The following GATA4 variants were observed in gnomAD, a reference collection of about 807,000 sequenced individuals.
GATA4 encodes transcription factor GATA-4.
A neutral mutation model predicts 37.9 loss-of-function variants in GATA4; 7 were observed. The ratio of observed to expected loss-of-function variants is 0.18; its 90% CI spans 0.11 to 0.35. The LOEUF (loss-of-function observed/expected upper bound fraction) is 0.35, where lower values mean the gene tolerates loss of function less well. Among genes scored for constraint, GATA4 ranks in the 10% least tolerant of loss-of-function variants. The pLI, the probability that GATA4 is intolerant of heterozygous loss-of-function variation, is 1.00. For missense variants in GATA4, 647 were observed against 653.0 expected (o/e 0.99, Z 0.10); for synonymous variants, 372 against 292.6 (o/e 1.27, Z -2.77).
upstream of GATA4, among the ~76,000 whole-genome samples, chr8:11,701,021 G>T (rs994664969): frequency 4.6e-5 from 7 of 152,252 alleles, no homozygotes; most frequent in South Asian, 2.1e-4. Flanking sequence ...TTTTATTTTT[G>T]GGGGGAACCA....
chr8:11,699,375 G>T (rs992139759), upstream of GATA4, among the ~76,000 whole-genome samples: 6 of 152,186 alleles, frequency 3.9e-5, no homozygotes, highest in African/African-American at 7.2e-5. Flanking sequence ...AAGAATTGGG[G>T]CCTGTGTCAC....
At chr8:11,681,764 C>T (rs1322576569) in intron 1 of GATA4, among the ~76,000 whole-genome samples, 1 of 152,006 alleles carries the variant, frequency 6.6e-6, no homozygotes, top group East Asian at 1.9e-4. Flanking sequence ...TGTTCTTTGC[C>T]CACAGCATTC....
chr8:11,745,034 A>C (rs545763863), intron 2 of GATA4, among the ~76,000 whole-genome samples: 4 of 152,260 alleles, frequency 2.6e-5, no homozygotes, highest in Non-Finnish European at 4.4e-5. Flanking sequence ...TGTGACATCT[A>C]TCAGAGTGAT....
At chr8:11,754,166 A>G (rs1365727939) in intron 4 of GATA4, among the ~76,000 whole-genome samples, 1 of 152,208 alleles carries the variant, frequency 6.6e-6, no homozygotes, top group African/African-American at 2.4e-5. Flanking sequence ...ACTCACTGGG[A>G]CTGTTGCTGT....
chr8:11,696,026 G>A (rs1393052008), intron 1 of GATA4, among the ~76,000 whole-genome samples: 1 of 152,164 alleles, frequency 6.6e-6, no homozygotes, highest in South Asian at 2.1e-4. Flanking sequence ...ATGTGGACTC[G>A]CACTAAAGAC....
intron 1 of GATA4, among the ~76,000 whole-genome samples, chr8:11,683,551 A>G (rs1355246750): frequency 6.6e-6 from 1 of 152,120 alleles, no homozygotes; most frequent in Non-Finnish European, 1.5e-5. Flanking sequence ...GACTAAATCC[A>G]TCCCCCCATT....
In GATA4 at chr8:11,759,422, G is replaced by C. The variant is rs1455662246; in HGVS notation, c.*947G>C. On this transcript the variant is annotated 3_prime_UTR_variant, in exon 7 of 7. Coordinates refer to ENST00000532059, the MANE Select transcript of GATA4 (RefSeq NM_001308093.3). ...GGACAGAGTCCTGGTCAGGGGGCAG[G>C]AGTGTCCCAAGGGCTGGCCCACCTG... 1.3e-5 allele frequency: 2 copies of C among 152,452 alleles called. No homozygotes were observed. Among genetic ancestry groups the C allele is most frequent in the Non-Finnish European group, 2.9e-5 (2 of 68,244 alleles). The allele number at this position is 152,452 out of a possible 1,614,324, so 9.4% of individuals were successfully genotyped here.
chr8:11,698,412 G>T (rs1397871433), intron 1 of GATA4, among the ~76,000 whole-genome samples: 1 of 152,170 alleles, frequency 6.6e-6, no homozygotes, highest in Non-Finnish European at 1.5e-5. Context: ...GAATGAGTGG[G>T]TGAGTGAGTG....
At chr8:11,692,119 C>T (rs949904197), upstream of GATA4, 1 of 847,942 alleles carries the variant, frequency 1.2e-6, no homozygotes, top group Non-Finnish European at 1.4e-6. Flanking sequence ...GGAGCTCGGG[C>T]CACCTGTTCT....
chr8:11,758,414 A>G lies in GATA4; in HGVS notation c.1271A>G (p.Lys424Arg). 1 of 1,614,226 alleles carries G rather than the reference A, an allele frequency of 6.2e-7. No individual in the cohort carries two copies. The highest frequency in any genetic ancestry group is 8.5e-7 in the Non-Finnish European group (1 of 1,180,040). Residue 424 changes from lysine (K) to arginine (R), a missense_variant, in exon 7 of 7, where the codon AAG becomes AGG. Around this residue, in one of 5 missense-constraint regions of GATA4, gnomAD observed 184 missense variants for 157.1 expected, o/e 1.17. Transcript: ENST00000532059. ...PVSQSPQTSS[K>R]QDSWNSLVLA... ...AGCCAGTCTCCACAGACCAGCTCCA[A>G]GCAGGACTCTTGGAACAGCCTGGTC...
intron 2 of GATA4, among the ~76,000 whole-genome samples, chr8:11,746,644 G>A (rs1802047471): frequency 6.6e-6 from 1 of 152,242 alleles, no homozygotes; most frequent in Admixed American, 6.5e-5. Flanking sequence ...GGGCAGGCCT[G>A]GATGAAAGAA....
intron 2 of GATA4, among the ~76,000 whole-genome samples, chr8:11,744,043 G>A (rs1801902213): frequency 6.6e-6 from 1 of 152,144 alleles, no homozygotes; most frequent in Non-Finnish European, 1.5e-5. Flanking sequence ...ACAAGTGAAC[G>A]CGGTCAGCCT....
intron 2 of GATA4, among the ~76,000 whole-genome samples, chr8:11,737,461 C>A (rs12541318): frequency 0.28 from 42,236 of 152,226 alleles, 7,597 homozygotes; most frequent in Non-Finnish European, 0.41. Flanking sequence ...CCTGCCAGCT[C>A]CTAACTGGGG....
intron 1 of GATA4, among the ~76,000 whole-genome samples, chr8:11,696,147 A>G (rs1799502167): frequency 6.6e-6 from 1 of 152,172 alleles, no homozygotes. Context: ...ACTTATATAC[A>G]GTAAATTCAC....
intron 1 of GATA4, chr8:11,694,413 G>T: frequency 1.1e-6 from 1 of 874,688 alleles, no homozygotes; most frequent in Non-Finnish European, 1.4e-6. Flanking sequence ...CAGAGCTGGC[G>T]TGGCCCTCAG....
intron 2 of GATA4, among the ~76,000 whole-genome samples, chr8:11,724,161 A>G (rs1800807369): frequency 6.6e-6 from 1 of 152,012 alleles, no homozygotes; most frequent in Non-Finnish European, 1.5e-5. Flanking sequence ...TTTAAGGCTG[A>G]ATAATATTCC....
intron 4 of GATA4, among the ~76,000 whole-genome samples, chr8:11,752,633 A>G (rs998059563): frequency 3.3e-5 from 5 of 152,238 alleles, no homozygotes; most frequent in African/African-American, 7.2e-5. Flanking sequence ...CCAAGTCAAT[A>G]GATATATATG....
intron 2 of GATA4, among the ~76,000 whole-genome samples, chr8:11,737,370 G>A (rs1801514162): frequency 6.6e-6 from 1 of 152,224 alleles, no homozygotes; most frequent in Admixed American, 6.5e-5. Context: ...GGGCCTGGAA[G>A]GAAAAGCCTC....
At chr8:11,722,288 T>C (rs1800713138) in intron 2 of GATA4, among the ~76,000 whole-genome samples, 1 of 152,244 alleles carries the variant, frequency 6.6e-6, no homozygotes, top group Non-Finnish European at 1.5e-5. Context: ...ACAGTGTTAT[T>C]TTGAAGCATA....
Sources: allele counts gnomAD v4.1 joint callset (sites outside exome capture counted in the v4.1 genomes callset), GRCh38; gene constraint gnomAD v4.1.1; regional missense constraint gnomAD v4.1.1; transcripts MANE v1.5; gene names NCBI Gene and HGNC (gene_info 2026-07-23, HGNC 2026-07-21).